CLSTN2: variants seen among roughly 807,000 people sequenced by gnomAD.
The protein encoded by CLSTN2 is calsyntenin-2.
In CLSTN2, 48 loss-of-function variants were observed where a neutral mutation model predicts 101.2. The observed-to-expected ratio is 0.47, with a 90% confidence interval of 0.38 to 0.60. The LOEUF (loss-of-function observed/expected upper bound fraction) is 0.60. CLSTN2 is among the 20% of genes least tolerant of loss of function. The pLI is 0.00. For missense variants in CLSTN2, 1,160 were observed against 1,238.2 expected (o/e 0.94, Z 0.95); for synonymous variants, 481 against 463.6 (o/e 1.04, Z -0.48).
intron 5 of CLSTN2, among the ~76,000 whole-genome samples, chr3:140,428,321 A>G (rs2088594643): frequency 6.6e-6 from 1 of 150,632 alleles, no homozygotes; most frequent in Non-Finnish European, 1.5e-5. Flanking sequence ...TACTTGGTAC[A>G]TTTTCCCTTT....
chr3:140,398,506 T>TG (rs1331050235), intron 2 of CLSTN2, among the ~76,000 whole-genome samples: 1 of 152,206 alleles, frequency 6.6e-6, no homozygotes, highest in African/African-American at 2.4e-5. Context: ...ATTAATATGA[T>TG]GATCACTTTG....
chr3:140,061,865 G>A (rs1202729232), intron 1 of CLSTN2, among the ~76,000 whole-genome samples: 1 of 152,170 alleles, frequency 6.6e-6, no homozygotes, highest in Non-Finnish European at 1.5e-5. Context: ...TAGCTAAAAG[G>A]TCAATTCTTC....
chr3:140,358,726 C>G (rs965143200), intron 2 of CLSTN2, among the ~76,000 whole-genome samples: 3 of 152,134 alleles, frequency 2.0e-5, no homozygotes, highest in Admixed American at 1.3e-4. Context: ...GCCCCCACCT[C>G]TTCACTCCAA....
intron 1 of CLSTN2, among the ~76,000 whole-genome samples, chr3:140,036,259 C>T (rs1426024): frequency 0.52 from 79,718 of 152,054 alleles, 22,273 homozygotes; most frequent in South Asian, 0.76. Flanking sequence ...ATACATTCTA[C>T]TTACGTTCTG....
intron 1 of CLSTN2, among the ~76,000 whole-genome samples, chr3:140,126,339 G>A (rs141608642): frequency 6.6e-6 from 1 of 152,060 alleles, no homozygotes; most frequent in African/African-American, 2.4e-5. Context: ...GCTGGAGTTT[G>A]AGGATGAAAA....
At chr3:140,307,306 C>G (rs926403148) in intron 2 of CLSTN2, among the ~76,000 whole-genome samples, 1 of 152,204 alleles carries the variant, frequency 6.6e-6, no homozygotes, top group Non-Finnish European at 1.5e-5. Context: ...TTTCCAAACC[C>G]TGTCTAGCTT....
chr3:140,341,314 T>C (rs994694339), intron 2 of CLSTN2, among the ~76,000 whole-genome samples: 2 of 152,200 alleles, frequency 1.3e-5, no homozygotes, highest in Non-Finnish European at 2.9e-5. Context: ...CCTCTAGAAG[T>C]CTCAGCTGCG....
chr3:140,470,867 T>C (rs1933829102), intron 8 of CLSTN2, among the ~76,000 whole-genome samples: 2 of 152,130 alleles, frequency 1.3e-5, no homozygotes, highest in Admixed American at 6.5e-5. Context: ...GAACAGTGGC[T>C]CTTCATGGCA....
chr3:140,449,174 G>A (rs1403136784), intron 6 of CLSTN2, among the ~76,000 whole-genome samples: 2 of 152,180 alleles, frequency 1.3e-5, no homozygotes, highest in Non-Finnish European at 2.9e-5. Context: ...CAGTGCAAAT[G>A]AAAATTTGGG....
intron 2 of CLSTN2, among the ~76,000 whole-genome samples, chr3:140,235,678 A>G (rs1274392571): frequency 6.6e-6 from 1 of 152,168 alleles, no homozygotes; most frequent in Non-Finnish European, 1.5e-5. Flanking sequence ...TTCCAGAGCT[A>G]TTCAGCCAGT....
At chr3:140,303,017 G>T (rs562175921) in intron 2 of CLSTN2, among the ~76,000 whole-genome samples, 8 of 152,210 alleles carry the variant, frequency 5.3e-5, no homozygotes, top group Non-Finnish European at 1.0e-4. Context: ...GCAAGAGCAA[G>T]ATCAAGGTCC....
chr3:140,075,198 C>A (rs139111139), intron 1 of CLSTN2, among the ~76,000 whole-genome samples: 103 of 152,234 alleles, frequency 6.8e-4, no homozygotes, highest in African/African-American at 2.4e-3. Context: ...TTAGTAGCAG[C>A]TTTAATATTT....
chr3:140,192,568 A>T (rs924501178), intron 2 of CLSTN2, among the ~76,000 whole-genome samples: 7 of 149,104 alleles, frequency 4.7e-5, no homozygotes, highest in African/African-American at 9.8e-5. Flanking sequence ...GTCTCCAGTA[A>T]TTTTTTTTTT....
chr3:140,210,509 G>A (rs2010841842), intron 2 of CLSTN2, among the ~76,000 whole-genome samples: 1 of 152,168 alleles, frequency 6.6e-6, no homozygotes. Context: ...CCCAGCTGAG[G>A]TACAGACTTC....
In CLSTN2 at chr3:140,006,737, C is replaced by G. The variant is rs148317661; in HGVS notation, c.109+71254C>G. Among the ~76,000 whole-genome samples, 73 of 152,248 alleles carry G rather than the reference C, an allele frequency of 4.8e-4. No homozygotes were observed. In the East Asian group the frequency reaches 0.013, roughly 27 times the overall value. On this transcript the variant is annotated intron_variant, in intron 1 of 16. Transcript: ENST00000458420. ...ATTTGTCAAATTAAAACATTCCTCA[C>G]TACGATTGAGAGTATTGCAAGGGTT...
intron 2 of CLSTN2, among the ~76,000 whole-genome samples, chr3:140,203,461 GTTT>G (rs58182333): frequency 0.07 from 4,781 of 67,868 alleles, 369 homozygotes; most frequent in African/African-American, 0.25. Flanking sequence ...GAAAGTGTGG[GTTT>G]TTTTTTTTTT....
chr3:140,273,292 T>C (rs1244438389), intron 2 of CLSTN2, among the ~76,000 whole-genome samples: 1 of 152,116 alleles, frequency 6.6e-6, no homozygotes, highest in East Asian at 1.9e-4. Context: ...GATGGGTTGA[T>C]AGTTGCAGCA....
chr3:140,260,048 G>A (rs1190708628), intron 2 of CLSTN2, among the ~76,000 whole-genome samples: 2 of 151,306 alleles, frequency 1.3e-5, no homozygotes, highest in Non-Finnish European at 2.9e-5. Flanking sequence ...GAAATCAGTT[G>A]TACACCAAAT....
chr3:139,975,316 C>A (rs997603205), intron 1 of CLSTN2, among the ~76,000 whole-genome samples: 2 of 152,092 alleles, frequency 1.3e-5, no homozygotes, highest in Non-Finnish European at 2.9e-5. Flanking sequence ...TCTTCAGGCC[C>A]TGGCATGGGA....
Sources: gnomAD v4.1 joint callset for allele counts (sites outside exome capture counted in the v4.1 genomes callset) on GRCh38, gnomAD v4.1.1 for gene constraint, MANE v1.5 for transcripts, NCBI Gene and HGNC (gene_info 2026-07-23, HGNC 2026-07-21) for gene names.